CNNM2: variants seen among roughly 807,000 people sequenced by gnomAD.
CNNM2 encodes metal transporter CNNM2.
Under a neutral mutation model 66.9 loss-of-function variants are expected in CNNM2, and 12 were observed. The ratio of observed to expected loss-of-function variants is 0.18; its 90% confidence interval spans 0.11 to 0.29. The LOEUF (loss-of-function observed/expected upper bound fraction) is 0.29, where lower values mean the gene tolerates loss of function less well. Among genes scored for constraint, CNNM2 ranks in the 10% least tolerant of loss-of-function variants. The probability of loss-of-function intolerance (pLI) is 1.00; values close to 1 mark genes in which losing one functional copy is unlikely to be tolerated. For missense variants in CNNM2, 705 were observed against 1,167.7 expected, an observed-to-expected ratio of 0.60 and a Z score of 5.77; for synonymous variants, 557 against 501.8, an observed-to-expected ratio of 1.11 and a Z score of -1.47.
chr10:103,013,310 C>A (rs1028740145), intron 1 of CNNM2, among the ~76,000 whole-genome samples: 1 of 152,064 alleles, frequency 6.6e-6, no homozygotes. Context: ...CTCTTCTTCA[C>A]GAGTTCTTGG....
intron 1 of CNNM2, among the ~76,000 whole-genome samples, chr10:102,983,527 C>T (rs2063750171): frequency 6.6e-6 from 1 of 151,800 alleles, no homozygotes; most frequent in Admixed American, 6.6e-5. Flanking sequence ...CAGCCTTGAC[C>T]TCCCAGGCTC....
chr10:103,017,223 T>C (rs2064470488), intron 1 of CNNM2, among the ~76,000 whole-genome samples: 1 of 152,186 alleles, frequency 6.6e-6, no homozygotes. Context: ...TCTGATAACT[T>C]CTGGAGGAGT....
At chr10:102,969,161 C>T (rs1033188276) in intron 1 of CNNM2, among the ~76,000 whole-genome samples, 1 of 150,646 alleles carries the variant, frequency 6.6e-6, no homozygotes, top group African/African-American at 2.4e-5. Flanking sequence ...GTGATATGCC[C>T]ACCTCAGCCT....
chr10:102,982,506 CAT>C (rs2134231843), intron 1 of CNNM2, among the ~76,000 whole-genome samples: 1 of 152,296 alleles, frequency 6.6e-6, no homozygotes, highest in Non-Finnish European at 1.5e-5. Context: ...AGAGGAAAAA[CAT>C]AGACCATTAC....
chr10:103,015,339 C>T (rs1489607905), intron 1 of CNNM2, among the ~76,000 whole-genome samples: 2 of 152,154 alleles, frequency 1.3e-5, no homozygotes, highest in African/African-American at 2.4e-5. Context: ...CAATTTTTGA[C>T]CACAATCTCT....
intron 1 of CNNM2, among the ~76,000 whole-genome samples, chr10:102,969,181 C>T (rs1229553099): frequency 6.6e-6 from 1 of 152,142 alleles, no homozygotes; most frequent in Non-Finnish European, 1.5e-5. Flanking sequence ...TCCCAAAGTG[C>T]TGGGACTACA....
chr10:103,027,346 G>A (rs1164366960), intron 1 of CNNM2: 1 of 152,202 alleles, frequency 6.6e-6, no homozygotes, highest in Admixed American at 6.5e-5. Context: ...AGGAACTGAA[G>A]TCTTCTGTTT....
chr10:102,952,099 G>A (rs983363822), intron 1 of CNNM2, among the ~76,000 whole-genome samples: 5 of 151,762 alleles, frequency 3.3e-5, no homozygotes, highest in Non-Finnish European at 7.4e-5. Context: ...CACCACGCCC[G>A]GCCAATTTTT....
intron 1 of CNNM2, among the ~76,000 whole-genome samples, chr10:103,029,409 A>C (rs918373150): frequency 6.6e-6 from 1 of 151,880 alleles, no homozygotes; most frequent in Non-Finnish European, 1.5e-5. Flanking sequence ...GGTTGCAGTG[A>C]GCTGAGATGG....
chr10:102,966,581 C>T (rs532731172), intron 1 of CNNM2, among the ~76,000 whole-genome samples: 23 of 152,290 alleles, frequency 1.5e-4, no homozygotes, highest in African/African-American at 4.8e-4. Context: ...GAGTCGAGAT[C>T]GCACCATTGC....
intron 1 of CNNM2, among the ~76,000 whole-genome samples, chr10:103,001,896 G>C (rs1056705796): frequency 5.9e-5 from 9 of 152,090 alleles, no homozygotes; most frequent in African/African-American, 2.2e-4. Context: ...TTGGGAGGCT[G>C]AGACACAGGA....
chr10:103,013,777 G>C (rs1208218273), intron 1 of CNNM2, among the ~76,000 whole-genome samples: 2 of 152,174 alleles, frequency 1.3e-5, no homozygotes, highest in African/African-American at 4.8e-5. Context: ...AGTTAAGGTT[G>C]TATTATACTT....
intron 1 of CNNM2, among the ~76,000 whole-genome samples, chr10:103,033,252 G>A (rs1166506098): frequency 6.6e-6 from 1 of 151,940 alleles, no homozygotes; most frequent in Non-Finnish European, 1.5e-5. Flanking sequence ...ACAATGGCAT[G>A]ATCTCAGCTC....
intron 6 of CNNM2, among the ~76,000 whole-genome samples, chr10:103,072,361 C>T (rs1052670326): frequency 6.6e-6 from 1 of 152,256 alleles, no homozygotes; most frequent in Non-Finnish European, 1.5e-5. Flanking sequence ...GTTCTTCCCA[C>T]ATCCGTGTGA....
chr10:103,089,693 C>G lies in CNNM2; in HGVS notation c.*12513C>G. 6.2e-7 allele frequency: 1 copy of G among 1,607,900 alleles called. No homozygotes were observed. Among genetic ancestry groups the G allele is most frequent in the Non-Finnish European group, 8.5e-7 (1 of 1,176,912 alleles). On this transcript the variant is annotated 3_prime_UTR_variant, in exon 8 of 8. Transcript: ENST00000369878. Reference sequence around the variant, plus strand: ...CTCCTTATTCTTCCTCCTCCTCCTCCTCTTCATCATCATCTTCGTCATGGC... The same window carrying G: ...CTCCTTATTCTTCCTCCTCCTCCTCGTCTTCATCATCATCTTCGTCATGGC...
intron 1 of CNNM2, among the ~76,000 whole-genome samples, chr10:102,961,407 A>T (rs2063378023): frequency 6.6e-6 from 1 of 152,164 alleles, no homozygotes; most frequent in Admixed American, 6.5e-5. Flanking sequence ...AAGAAAGAGG[A>T]TTTACTTATG....
At chr10:103,076,565 C>T (rs2065694579) in intron 7 of CNNM2, among the ~76,000 whole-genome samples, 1 of 152,192 alleles carries the variant, frequency 6.6e-6, no homozygotes, top group South Asian at 2.1e-4. Context: ...TCAAAGAGCT[C>T]CTGGGTGCGT....
Position 103,080,429 on chromosome 10 carries a change from T to G in CNNM2, c.*3249T>G, listed in dbSNP as rs2065746927. The G allele has an allele frequency of 1.3e-5, 2 of 152,230 alleles. No homozygotes were observed. Among genetic ancestry groups the G allele is most frequent in the African/African-American group, 4.8e-5 (2 of 41,466 alleles). 9.4% of individuals were successfully genotyped at this position (152,230 alleles called of 1,614,324 possible). On this transcript the variant is annotated 3_prime_UTR_variant, in exon 8 of 8. Coordinates refer to ENST00000369878, the MANE Select transcript of CNNM2 (RefSeq NM_017649.5). ...TTTAAACTCTTAGGAAAACAAAATC[T>G]TAAGACTTACACAGATATCGGGGTG...
chr10:103,020,405 G>A (rs1268898098), intron 1 of CNNM2, among the ~76,000 whole-genome samples: 4 of 152,044 alleles, frequency 2.6e-5, no homozygotes, highest in African/African-American at 7.2e-5. Context: ...ATCCGCTTGC[G>A]TCAGCCTCCC....
Sources: allele counts gnomAD v4.1 joint callset (sites outside exome capture counted in the v4.1 genomes callset), GRCh38; gene constraint gnomAD v4.1.1; transcripts MANE v1.5; gene names NCBI Gene and HGNC (gene_info 2026-07-23, HGNC 2026-07-21).